CLVS1: variants seen among roughly 807,000 people sequenced by gnomAD.
CLVS1 encodes clavesin 1, also known as clavesin-1.
A neutral mutation model predicts 33.1 loss-of-function variants in CLVS1; 10 were observed. The ratio of observed to expected loss-of-function variants is 0.30; its 90% confidence interval spans 0.19 to 0.51. CLVS1 has a LOEUF of 0.51. CLVS1 is among the 20% of genes least tolerant of loss of function. The pLI is 0.97. For missense variants in CLVS1, 343 were observed against 433.4 expected (o/e 0.79, Z 1.85); for synonymous variants, 163 against 166.1 (o/e 0.98, Z 0.14).
intron 1 of CLVS1, among the ~76,000 whole-genome samples, chr8:61,128,027 G>C (rs1806008370): frequency 6.6e-6 from 1 of 152,212 alleles, no homozygotes; most frequent in Non-Finnish European, 1.5e-5. Context: ...GGTAAAAATG[G>C]TTATTTTGAA....
At chr8:61,020,001 A>G in the CLVS1 span, among the ~76,000 whole-genome samples, 1 of 152,206 alleles carries the variant, frequency 6.6e-6, no homozygotes, top group Non-Finnish European at 1.5e-5. Flanking sequence ...GTGGCCAACA[A>G]TGAATGGCCT....
chr8:61,392,254 A>T (rs541904450), intron 3 of CLVS1, among the ~76,000 whole-genome samples: 1 of 152,006 alleles, frequency 6.6e-6, no homozygotes, highest in Admixed American at 6.5e-5. Flanking sequence ...ATCTCTTGAG[A>T]CAAGGAGTTG....
chr8:61,302,997 G>T (rs1322660727), intron 2 of CLVS1, among the ~76,000 whole-genome samples: 4 of 152,132 alleles, frequency 2.6e-5, no homozygotes, highest in African/African-American at 9.7e-5. Context: ...CCACCCCCTT[G>T]ATCCAATCAC....
chr8:61,016,581 A>G, the CLVS1 span, among the ~76,000 whole-genome samples: 3 of 152,248 alleles, frequency 2.0e-5, no homozygotes, highest in African/African-American at 2.4e-5. Context: ...TTCCCTGAGC[A>G]GCTAAACTAT....
chr8:61,156,884 T>G (rs1474937934), intron 2 of CLVS1, among the ~76,000 whole-genome samples: 1 of 152,220 alleles, frequency 6.6e-6, no homozygotes, highest in Admixed American at 6.5e-5. Context: ...GTAGCACTGA[T>G]GAAGTTTCCA....
chr8:61,130,881 G>A (rs1806081310), intron 1 of CLVS1, among the ~76,000 whole-genome samples: 1 of 152,158 alleles, frequency 6.6e-6, no homozygotes, highest in Admixed American at 6.5e-5. Context: ...CCAGTGCAGA[G>A]GCCTAAGATA....
chr8:61,179,099 C>T (rs1195637688), intron 2 of CLVS1, among the ~76,000 whole-genome samples: 1 of 152,010 alleles, frequency 6.6e-6, no homozygotes, highest in African/African-American at 2.4e-5. Flanking sequence ...GTTTTAGAAA[C>T]CCATCTCACA....
chr8:61,403,647 T>A (rs1814858402), intron 3 of CLVS1, among the ~76,000 whole-genome samples: 1 of 152,126 alleles, frequency 6.6e-6, no homozygotes, highest in Admixed American at 6.5e-5. Context: ...AGGCTACTAC[T>A]TAGGAGACTG....
At chr8:61,494,249 A>C (rs1804194614) in intron 5 of CLVS1, among the ~76,000 whole-genome samples, 1 of 152,074 alleles carries the variant, frequency 6.6e-6, no homozygotes, top group South Asian at 2.1e-4. Context: ...ATTTTGGGGA[A>C]GAAAGGGGAA....
chr8:61,067,625 T>C (rs1351567838), intron 1 of CLVS1, among the ~76,000 whole-genome samples: 5 of 152,118 alleles, frequency 3.3e-5, no homozygotes, highest in Non-Finnish European at 7.4e-5. Context: ...ATCCCAGTGC[T>C]TTGGGAGGCC....
chr8:61,078,866 T>A (rs1585593657), intron 1 of CLVS1, among the ~76,000 whole-genome samples: 1 of 152,224 alleles, frequency 6.6e-6, no homozygotes, highest in African/African-American at 2.4e-5. Flanking sequence ...TAAATTCCAG[T>A]GTTTAAAAAC....
chr8:61,377,783 T>C (rs1187454383), intron 3 of CLVS1: 2 of 152,196 alleles, frequency 1.3e-5, no homozygotes, highest in Non-Finnish European at 2.9e-5. Flanking sequence ...ATTGAATGGA[T>C]CTTATTTTAT....
chr8:61,309,852 T>C (rs1810773721), intron 2 of CLVS1, among the ~76,000 whole-genome samples: 1 of 152,218 alleles, frequency 6.6e-6, no homozygotes, highest in Admixed American at 6.5e-5. Flanking sequence ...AGGTGGGATA[T>C]AACTCTTCAA....
intron 5 of CLVS1, among the ~76,000 whole-genome samples, chr8:61,489,686 A>G (rs1234546728): frequency 6.6e-6 from 1 of 152,240 alleles, no homozygotes; most frequent in East Asian, 1.9e-4. Context: ...CTGTGGAGAT[A>G]CGAAACACTC....
intron 5 of CLVS1, among the ~76,000 whole-genome samples, chr8:61,460,417 T>C (rs960060164): frequency 3.3e-5 from 5 of 152,186 alleles, no homozygotes; most frequent in African/African-American, 1.2e-4. Flanking sequence ...AACTTAGCCA[T>C]GTCAATGTAG....
At chr8:61,043,600 G>A in the CLVS1 span, among the ~76,000 whole-genome samples, 6 of 152,322 alleles carry the variant, frequency 3.9e-5, no homozygotes, top group East Asian at 9.6e-4. Flanking sequence ...TTCCCATAAG[G>A]TAGGAAGAAC....
chr8:61,152,274 G>T (rs1323268239), intron 2 of CLVS1, among the ~76,000 whole-genome samples: 2 of 152,144 alleles, frequency 1.3e-5, no homozygotes, highest in Non-Finnish European at 2.9e-5. Context: ...GCACAAGATT[G>T]CTCTTGTATC....
intron 1 of CLVS1, among the ~76,000 whole-genome samples, chr8:61,115,221 A>C (rs904998356): frequency 6.6e-6 from 1 of 152,214 alleles, no homozygotes. Context: ...GAGCAAAACA[A>C]AGCTGATAAT....
intron 1 of CLVS1, among the ~76,000 whole-genome samples, chr8:61,062,035 G>A (rs937821664): frequency 6.6e-6 from 1 of 152,106 alleles, no homozygotes; most frequent in African/African-American, 2.4e-5. Flanking sequence ...AAAAGATGCA[G>A]TGAAAAAATG....
Sources: gnomAD v4.1 joint callset for allele counts (sites outside exome capture counted in the v4.1 genomes callset) on GRCh38, gnomAD v4.1.1 for gene constraint, MANE v1.5 for transcripts, NCBI Gene and HGNC (gene_info 2026-07-23, HGNC 2026-07-21) for gene names.